The following SLC4A11 variants were observed in gnomAD, a reference collection of about 807,000 sequenced individuals.
SLC4A11 encodes the protein solute carrier family 4 member 11.
Under a neutral mutation model 95.0 loss-of-function variants are expected in SLC4A11, and 74 were observed. The observed-to-expected ratio is 0.78, with a 90% confidence interval of 0.65 to 0.95. SLC4A11 has a LOEUF of 0.95. Among genes scored for constraint, SLC4A11 ranks in the 40% least tolerant of loss-of-function variants. The pLI is 0.00. For missense variants in SLC4A11, 1,081 were observed against 1,192.4 expected (o/e 0.91, Z 1.38); for synonymous variants, 548 against 519.0 (o/e 1.06, Z -0.76).
rs2122552949 is a variant in SLC4A11 at position 3,231,130 on chromosome 20, G to C, written c.1042+19C>G. On this transcript the variant is annotated intron_variant, in intron 9 of 19. Coordinates refer to ENST00000642402, the MANE Select transcript of SLC4A11 (RefSeq NM_001174089.2). The surrounding 1 kb of genome is among the most constrained non-coding windows in gnomAD (Gnocchi z 5.2). ...GGCACACGTGTGGGCCCAAGGCCTG[G>C]AAAGCAGAGGCCACGTACCATCAGT... 6.2e-7 allele frequency: 1 copy of C among 1,614,172 alleles called. No individual in the cohort carries two copies. The highest frequency in any genetic ancestry group is 8.5e-7 in the Non-Finnish European group (1 of 1,180,034).
Position 3,234,631 on chromosome 20 carries a change from G to A in SLC4A11, c.242-14C>T. On this transcript the variant is annotated splice_polypyrimidine_tract_variant and intron_variant, in intron 3 of 19. Transcript: ENST00000642402. This position sits in a 1 kb window ranked among gnomAD's most constrained non-coding sequence, Gnocchi z 5.8. ...TCGCTTCATTCTCTGCCGGAGAAAA[G>A]CGGGGAGGGCTCAGGGTGCCACCCT... The A allele has an allele frequency of 6.2e-7, 1 of 1,613,906 alleles. No homozygotes were observed.
At chr20:3,235,309 TCACACACACACA>T (rs58744452) in intron 2 of SLC4A11, among the ~76,000 whole-genome samples, 2,697 of 123,540 alleles carry the variant, frequency 0.022, 31 homozygotes, top group East Asian at 0.037. Flanking sequence ...TCTCTCTCTC[TCACACACACACA>T]CACACACACA....
At chr20:3,237,419 C>G (rs966739851) in intron 2 of SLC4A11, 125 bp downstream of exon 2, 2 of 1,000,656 alleles carry the variant, frequency 2.0e-6, no homozygotes, top group East Asian at 2.4e-5. Context: ...CAAAAGCATT[C>G]CAGCACTAGA....
At chr20:3,237,876 CG>C (rs1441153296) in intron 1 of SLC4A11, 1 of 1,550,918 alleles carries the variant, frequency 6.4e-7, no homozygotes. Context: ...GTCTTCCCAC[CG>C]AGTTAGTACC....
rs1461515219 is a variant in SLC4A11, at chr20:3,230,780, G to A, written c.1234C>T (p.Pro412Ser). The A allele has an allele frequency of 6.2e-7, 1 of 1,613,296 alleles. No individual in the cohort carries two copies. Among genetic ancestry groups the A allele is most frequent in the South Asian group, 1.1e-5 (1 of 91,080 alleles). The part of the protein sequence containing the change: ...GLLYALFSGQ[P>S]LVILLTTAPL... Reference sequence around the variant, plus strand: ...GCGGTGGTCAGCAGAATCACCAATGGCTGCCCAGAGAAGAGCGCGTAGAGC... The same window carrying A: ...GCGGTGGTCAGCAGAATCACCAATGACTGCCCAGAGAAGAGCGCGTAGAGC... Residue 412 changes from proline to serine, a missense_variant, in exon 11 of 20, where the codon CCA becomes TCA. Pro to Ser is a moderately conservative substitution (Grantham distance 74). Coordinates refer to ENST00000642402, the MANE Select transcript of SLC4A11 (RefSeq NM_001174089.2).
chr20:3,239,050 G>T, intron 1 of SLC4A11, 45 bp downstream of exon 1: 1 of 1,466,724 alleles, frequency 6.8e-7, no homozygotes, highest in South Asian at 1.3e-5. Context: ...CGGTGGCGGA[G>T]ACCCGGGCGG....
In SLC4A11 at chr20:3,227,812, A is replaced by G. The variant is rs1279310374; in HGVS notation, c.2603T>C (p.Val868Ala). Residue 868 changes from valine to alanine, a missense_variant, in exon 20 of 20, where the codon GTC becomes GCC. By Grantham distance (64) the Val-to-Ala change is moderately conservative. Transcript: ENST00000642402. ...TCAAGGCCTGTGCTCAGCGTCCATG[A>G]CATCCAAGTACTTGGCTTCAATGAT... is the stretch of plus-strand genomic sequence containing the variant. ...PRIIEAKYLD[V>A]MDAEHRP The G allele has an allele frequency of 6.2e-7, 1 of 1,613,236 alleles. No homozygotes were observed. Among genetic ancestry groups the G allele is most frequent in the Non-Finnish European group, 8.5e-7 (1 of 1,179,922 alleles).
upstream of SLC4A11, chr20:3,239,487 G>C: frequency 9.9e-7 from 1 of 1,009,508 alleles, no homozygotes; most frequent in Non-Finnish European, 1.2e-6. Flanking sequence ...GGGCTGGACG[G>C]GGCCGGGGAG....
Position 3,231,704 on chromosome 20 carries a change from G to A in SLC4A11, c.730-156C>T, listed in dbSNP as rs530420237. ...AGGGTCTCACTGTCACCCAGGCTGA[G>A]TGCAGTGGCACACTCACGGCTTATC... On this transcript the variant is annotated intron_variant, in intron 7 of 19. Coordinates refer to ENST00000642402, the MANE Select transcript of SLC4A11 (RefSeq NM_001174089.2). The surrounding 1 kb of genome is among the most constrained non-coding windows in gnomAD (Gnocchi z 5.2). Among the ~76,000 whole-genome samples the A allele has an allele frequency of 1.3e-5, 2 of 152,298 alleles. No individual in the cohort carries two copies. The highest frequency in any genetic ancestry group is 1.3e-4 in the Admixed American group (2 of 15,296).
Position 3,234,418 on chromosome 20 carries a change from C to T in SLC4A11, c.292-104G>A, listed in dbSNP as rs967941790. 70 of 1,500,964 alleles carry T rather than the reference C, an allele frequency of 4.7e-5. No individual in the cohort carries two copies. Among genetic ancestry groups the T allele is most frequent in the Non-Finnish European group, 5.8e-5 (63 of 1,086,338 alleles). The allele number at this position is 1,500,964 out of a possible 1,614,324, so 93.0% of individuals were successfully genotyped here. On this transcript the variant is annotated intron_variant, in intron 4 of 19. Coordinates refer to ENST00000642402, the MANE Select transcript of SLC4A11 (RefSeq NM_001174089.2). The surrounding 1 kb of genome is among the most constrained non-coding windows in gnomAD (Gnocchi z 5.8). The stretch of plus-strand genomic sequence containing the variant: ...GCCGCAGCAGTCCAGCCCCCAGCCC[C>T]CAGCCCCCAGCCCTGGGCTGGTGCG...
At chr20:3,232,476 A>C (rs1173398369) in intron 7 of SLC4A11, among the ~76,000 whole-genome samples, 1 of 152,260 alleles carries the variant, frequency 6.6e-6, no homozygotes, top group Non-Finnish European at 1.5e-5. Context: ...TAAGGCAGGC[A>C]GATCACTTGA....
chr20:3,233,707 CCCT>C (rs1421473209), intron 6 of SLC4A11, 70 bp from the exon 7 acceptor site: 1 of 1,600,740 alleles, frequency 6.2e-7, no homozygotes, highest in Admixed American at 1.7e-5. Context: ...ACCCAGAACC[CCCT>C]CGACCTTGAC....
chr20:3,232,390 A>G (rs61396958), intron 7 of SLC4A11, among the ~76,000 whole-genome samples: 10,158 of 152,312 alleles, frequency 0.067, 858 homozygotes, highest in African/African-American at 0.19. Flanking sequence ...GGCACTGTGC[A>G]TGTTTGCTGT....
intron 7 of SLC4A11, among the ~76,000 whole-genome samples, chr20:3,232,352 C>T (rs920773129): frequency 3.3e-5 from 5 of 152,226 alleles, no homozygotes; most frequent in South Asian, 2.1e-4. Flanking sequence ...AGTGTCTGCC[C>T]GTCTGTTGCT....
chr20:3,231,491 T>TATCC lies in SLC4A11; in HGVS notation c.783_786dup (p.Ile263GlyfsTer86). On this transcript the variant is annotated frameshift_variant, in exon 8 of 20. Transcript: ENST00000642402. LOFTEE classifies it high-confidence loss of function. The surrounding 1 kb of genome is among the most constrained non-coding windows in gnomAD (Gnocchi z 5.2). ...TCCAGGAGCTTCTGGCGGAAGGCGA[T>TATCC]ATCCGAGAACATGGTGGCAAACGTG... 6.2e-7 allele frequency: 1 copy of TATCC among 1,614,008 alleles called. No homozygotes were observed. The highest frequency in any genetic ancestry group is 8.5e-7 in the Non-Finnish European group (1 of 1,180,002).
chr20:3,237,241 C>A (rs539098880), intron 2 of SLC4A11, among the ~76,000 whole-genome samples: 51 of 152,312 alleles, frequency 3.3e-4, no homozygotes, highest in Non-Finnish European at 5.0e-4. Context: ...CAGGGGCACA[C>A]AGAATTCTTG....
chr20:3,234,655 C>A lies in SLC4A11; in HGVS notation c.242-38G>T, dbSNP rs755419192. The A allele has an allele frequency of 3.1e-6, 5 of 1,613,900 alleles. No individual in the cohort carries two copies. The highest frequency in any genetic ancestry group is 4.2e-6 in the Non-Finnish European group (5 of 1,180,022). ...AGCGGGGAGGGCTCAGGGTGCCACC[C>A]TCTCCTCAGGTCTTTCTTAGTAAGG... On this transcript the variant is annotated intron_variant, in intron 3 of 19. Coordinates refer to ENST00000642402, the MANE Select transcript of SLC4A11 (RefSeq NM_001174089.2). This position sits in a 1 kb window ranked among gnomAD's most constrained non-coding sequence, Gnocchi z 5.8.
chr20:3,230,699 A>G (rs765600065), intron 11 of SLC4A11, 33 bp downstream of exon 11: 1 of 1,612,890 alleles, frequency 6.2e-7, no homozygotes, highest in East Asian at 2.2e-5. Flanking sequence ...CAGGGGTCTC[A>G]GGCACCATCT....
Position 3,237,603 on chromosome 20 carries a change from G to T in SLC4A11, c.44-15C>A, listed in dbSNP as rs2068023328. 1.9e-6 allele frequency: 3 copies of T among 1,614,100 alleles called. No individual in the cohort carries two copies. Reference sequence around the variant, plus strand: ...GGGAGAGTTTTCTGCAAGGGAAGCAGAAAGGTCACCAGCCCCATGGACCAA... The same window carrying T: ...GGGAGAGTTTTCTGCAAGGGAAGCATAAAGGTCACCAGCCCCATGGACCAA... On this transcript the variant is annotated splice_polypyrimidine_tract_variant and intron_variant, in intron 1 of 19. Transcript: ENST00000642402.
Sources: allele counts gnomAD v4.1 joint callset (sites outside exome capture counted in the v4.1 genomes callset), GRCh38; gene constraint gnomAD v4.1.1; non-coding constraint Gnocchi (gnomAD v3.1); transcripts MANE v1.5; gene names NCBI Gene and HGNC (gene_info 2026-07-23, HGNC 2026-07-21).